Variants in SASH1 observed in about 807,000 individuals in gnomAD.
SASH1 encodes SAM and SH3 domain containing 1.
In SASH1, 44 loss-of-function variants were observed where a neutral mutation model predicts 125.2. The observed-to-expected ratio is 0.35, with a 90% CI of 0.28 to 0.45. The LOEUF is 0.45. Among genes scored for constraint, SASH1 ranks in the 20% least tolerant of loss-of-function variants. The probability of loss-of-function intolerance (pLI) is 1.00; values close to 1 mark genes in which losing one functional copy is unlikely to be tolerated. For missense variants in SASH1, 1,426 were observed against 1,614.5 expected (o/e 0.88, Z 2.00); for synonymous variants, 639 against 649.1 (o/e 0.98, Z 0.24).
At chr6:148,240,322 T>C in the SASH1 span, among the ~76,000 whole-genome samples, 1 of 152,164 alleles carries the variant, frequency 6.6e-6, no homozygotes, top group African/African-American at 2.4e-5. Flanking sequence ...GTAGGGTAAA[T>C]TCAAATTCTC....
chr6:148,386,557 C>A (rs1375072960), intron 1 of SASH1, among the ~76,000 whole-genome samples: 1 of 152,176 alleles, frequency 6.6e-6, no homozygotes, highest in East Asian at 1.9e-4. Flanking sequence ...AAGCTGTAAA[C>A]CCCCTTAACA....
At chr6:148,379,549 A>C (rs1783049693) in intron 1 of SASH1, among the ~76,000 whole-genome samples, 1 of 152,160 alleles carries the variant, frequency 6.6e-6, no homozygotes, top group African/African-American at 2.4e-5. Flanking sequence ...TACCGAGTGA[A>C]TTTTATGGCA....
At chr6:148,488,843 G>A (rs558781454) in intron 8 of SASH1, among the ~76,000 whole-genome samples, 1 of 152,308 alleles carries the variant, frequency 6.6e-6, no homozygotes, top group South Asian at 2.1e-4. Flanking sequence ...TTGTTAGCTT[G>A]CAGGGGTTCT....
intron 1 of SASH1, among the ~76,000 whole-genome samples, chr6:148,274,869 T>C (rs1337254542): frequency 2.0e-5 from 3 of 152,178 alleles, no homozygotes; most frequent in Admixed American, 6.5e-5. Context: ...TCTCTCTGCC[T>C]CTTTTCCAGT....
chr6:148,422,425 T>G (rs1165978897), intron 2 of SASH1, among the ~76,000 whole-genome samples: 1 of 152,200 alleles, frequency 6.6e-6, no homozygotes, highest in East Asian at 1.9e-4. Flanking sequence ...AAGAAAAAGT[T>G]GGGCCTTGTG....
chr6:148,382,312 G>A (rs1227966577), intron 1 of SASH1, among the ~76,000 whole-genome samples: 1 of 152,036 alleles, frequency 6.6e-6, no homozygotes, highest in Non-Finnish European at 1.5e-5. Flanking sequence ...TGAAGAGTGT[G>A]ACGGTCTCGC....
At chr6:148,330,409 G>A (rs1780958223) in intron 1 of SASH1, among the ~76,000 whole-genome samples, 1 of 152,142 alleles carries the variant, frequency 6.6e-6, no homozygotes. Flanking sequence ...CCATGTTTAA[G>A]AGCAAGAGAG....
chr6:148,430,971 C>G (rs1054980377), intron 2 of SASH1, among the ~76,000 whole-genome samples: 1 of 152,108 alleles, frequency 6.6e-6, no homozygotes, highest in African/African-American at 2.4e-5. Context: ...AAAACCAAAC[C>G]AAACAAAACA....
chr6:148,333,384 C>G (rs1290740066), intron 1 of SASH1, among the ~76,000 whole-genome samples: 1 of 152,092 alleles, frequency 6.6e-6, no homozygotes, highest in Non-Finnish European at 1.5e-5. Context: ...GAGGGAGACC[C>G]TTTCTGAAAC....
intron 1 of SASH1, among the ~76,000 whole-genome samples, chr6:148,284,618 T>G (rs2128506759): frequency 6.6e-6 from 1 of 152,358 alleles, no homozygotes; most frequent in South Asian, 2.1e-4. Flanking sequence ...TTTCATATCC[T>G]AATTTTCCAC....
At chr6:148,434,162 T>C (rs529748200) in intron 2 of SASH1, among the ~76,000 whole-genome samples, 4 of 146,020 alleles carry the variant, frequency 2.7e-5, no homozygotes, top group South Asian at 4.4e-4. Flanking sequence ...CTGCAAGCTC[T>C]GCCTCCTGAG....
intron 1 of SASH1, among the ~76,000 whole-genome samples, chr6:148,289,800 G>C (rs1467917543): frequency 2.0e-5 from 3 of 151,260 alleles, no homozygotes; most frequent in Admixed American, 1.3e-4. Flanking sequence ...ATGTTGTATA[G>C]CCATTGTGAA....
chr6:148,294,763 T>G (rs1159514402), intron 1 of SASH1, among the ~76,000 whole-genome samples: 1 of 152,290 alleles, frequency 6.6e-6, no homozygotes, highest in South Asian at 2.1e-4. Flanking sequence ...AAAAATTTCT[T>G]AAAATTTTGA....
At chr6:148,330,911 A>G (rs375650690) in intron 1 of SASH1, among the ~76,000 whole-genome samples, 1 of 152,222 alleles carries the variant, frequency 6.6e-6, no homozygotes. Flanking sequence ...GTATCTCCTA[A>G]GCAAAAAAGA....
intron 2 of SASH1, among the ~76,000 whole-genome samples, chr6:148,409,610 G>A (rs1043423048): frequency 3.3e-5 from 5 of 152,210 alleles, no homozygotes; most frequent in African/African-American, 7.2e-5. Flanking sequence ...TTTAATAAAT[G>A]TGAACGGCTG....
rs1400372133 is a variant in SASH1 at position 148,529,792 on chromosome 6, T to C, written c.1429-1734T>C. ...AGCAAAAATAATGGAAGGTTTTATG[T>C]GGTTGTTTTTTTTTTGTTTTTGTTT... On this transcript the variant is annotated intron_variant, in intron 12 of 19. Coordinates refer to ENST00000367467, the MANE Select transcript of SASH1 (RefSeq NM_015278.5). The surrounding 1 kb of genome is among the most constrained non-coding windows in gnomAD (Gnocchi z 4.2). Among the ~76,000 whole-genome samples the C allele has an allele frequency of 6.7e-6, 1 of 150,284 alleles. No homozygotes were observed. Among genetic ancestry groups the C allele is most frequent in the Non-Finnish European group, 1.5e-5 (1 of 67,980 alleles).
At chr6:148,537,030 T>C (rs1004298533) in intron 16 of SASH1, among the ~76,000 whole-genome samples, 1 of 152,226 alleles carries the variant, frequency 6.6e-6, no homozygotes, top group Non-Finnish European at 1.5e-5. Context: ...GTCCAGACTT[T>C]TCCTAGCATT....
rs1435686879 is a variant in SASH1, at chr6:148,408,015, T to A, written c.285+17753T>A. On this transcript the variant is annotated intron_variant, in intron 2 of 19. Coordinates refer to ENST00000367467, the MANE Select transcript of SASH1 (RefSeq NM_015278.5). ...CAGGGAGGGAACAGGGGTTCTAATT[T>A]CTCGTCATCCTTGCTAACACTTTTT... Among the ~76,000 whole-genome samples the A allele has an allele frequency of 3.9e-5, 6 of 152,318 alleles. No homozygotes were observed. In the East Asian group the frequency reaches 5.8e-4, roughly 15 times the overall value.
the SASH1 span, among the ~76,000 whole-genome samples, chr6:148,220,002 G>A: frequency 5.9e-5 from 9 of 152,222 alleles, no homozygotes; most frequent in Non-Finnish European, 8.8e-5. Context: ...AAACATACAT[G>A]TGGGTTTGGC....
Sources: gnomAD v4.1 joint callset for allele counts (sites outside exome capture counted in the v4.1 genomes callset) on GRCh38, gnomAD v4.1.1 for gene constraint, Gnocchi (gnomAD v3.1) non-coding constraint, MANE v1.5 for transcripts, NCBI Gene and HGNC (gene_info 2026-07-23, HGNC 2026-07-21) for gene names.